Variants in SCAMP1 observed in about 807,000 individuals in gnomAD.
The protein encoded by SCAMP1 is secretory carrier membrane protein 1.
SCAMP1 carries 15 observed loss-of-function variants against 41.8 expected under a neutral mutation model. The observed-to-expected ratio is 0.36, with a 90% CI of 0.24 to 0.55. The LOEUF (loss-of-function observed/expected upper bound fraction) is 0.55. Among genes scored for constraint, SCAMP1 ranks in the 20% least tolerant of loss-of-function variants. The probability of loss-of-function intolerance (pLI) is 0.86; values close to 1 mark genes in which losing one functional copy is unlikely to be tolerated. For synonymous variants in SCAMP1, 135 were observed against 136.8 expected (o/e 0.99, Z 0.09); for missense variants, 341 against 412.6 (o/e 0.83, Z 1.50).
intron 6 of SCAMP1, 54 bp from the exon 7 acceptor site, chr5:78,449,879 T>A: frequency 1.1e-6 from 1 of 947,592 alleles, no homozygotes; most frequent in Non-Finnish European, 1.6e-6. Flanking sequence ...GTTTTTCCCC[T>A]TCTTTCTCTC....
chr5:78,375,374 A>G lies in SCAMP1; in HGVS notation c.58-13463A>G, dbSNP rs929967920. Among the ~76,000 whole-genome samples, 4 of 152,126 alleles carry G rather than the reference A, an allele frequency of 2.6e-5. 1 individual carries two copies. Among genetic ancestry groups the G allele is most frequent in the Non-Finnish European group, 5.9e-5 (4 of 68,006 alleles). ...TCACTTATTATATGACTTTGGGCAA[A>G]TTACTAAAACATCTCTAAGTCAGTA... On this transcript the variant is annotated intron_variant, in intron 1 of 8. Coordinates refer to ENST00000621999, the MANE Select transcript of SCAMP1 (RefSeq NM_004866.6).
In SCAMP1 at chr5:78,416,560, C is replaced by A; in HGVS notation, c.254C>A (p.Ala85Asp). The change falls in exon 4 of 9, where the codon GCT becomes GAT. Residue 85 changes from alanine to aspartate, a missense_variant. Ala to Asp is a moderately radical substitution (Grantham distance 126, BLOSUM62 -2). Transcript: ENST00000621999. ...ATTTAGGAACATGCATTGGCCCAAG[C>A]TGAACTTCTTAAGCGCCAGGAAGAA... ...QIAKEHALAQ[A>D]ELLKRQEELE... The A allele has an allele frequency of 6.3e-7, 1 of 1,597,010 alleles. No homozygotes were observed. The highest frequency in any genetic ancestry group is 2.3e-5 in the East Asian group (1 of 44,262).
chr5:78,382,961 T>C (rs1056265536), intron 1 of SCAMP1, among the ~76,000 whole-genome samples: 3 of 151,272 alleles, frequency 2.0e-5, no homozygotes, highest in African/African-American at 7.4e-5. Flanking sequence ...TGGATTGATA[T>C]CCAGGAGTGG....
intron 6 of SCAMP1, among the ~76,000 whole-genome samples, chr5:78,446,771 T>A (rs1337574273): frequency 6.6e-6 from 1 of 152,226 alleles, no homozygotes; most frequent in Non-Finnish European, 1.5e-5. Context: ...CCAGCTTTGG[T>A]GTAATATAGT....
In SCAMP1 at chr5:78,453,687, A is replaced by G. The variant is rs546661824; in HGVS notation, c.734+3653A>G. 9.2e-5 allele frequency among the ~76,000 whole-genome samples: 14 copies of G among 152,298 alleles called. No homozygotes were observed. In the South Asian group the frequency reaches 1.7e-3, roughly 18 times the overall value. On this transcript the variant is annotated intron_variant, in intron 7 of 8. Coordinates refer to ENST00000621999, the MANE Select transcript of SCAMP1 (RefSeq NM_004866.6). Reference sequence around the variant, plus strand: ...GATGCGGGCTCTTTTTTGGTTCCATATGAACTTTAAAGTAGTTTTTTCCAG... The same window carrying G: ...GATGCGGGCTCTTTTTTGGTTCCATGTGAACTTTAAAGTAGTTTTTTCCAG...
rs1192729156 is a variant in SCAMP1, at chr5:78,476,144, T to C, written c.*476T>C. The stretch of plus-strand genomic sequence containing the variant: ...TTTAAATTGGCTTGCTTTTTAGCTG[T>C]TTCAGTCACCAGTGAAGAGCCTATG... On this transcript the variant is annotated 3_prime_UTR_variant, in exon 9 of 9. Transcript: ENST00000621999. 1 of 152,662 alleles carries C rather than the reference T, an allele frequency of 6.6e-6. No individual in the cohort carries two copies. The highest frequency in any genetic ancestry group is 2.4e-5 in the African/African-American group (1 of 41,472). The allele number at this position is 152,662 out of a possible 1,614,324, so 9.5% of individuals were successfully genotyped here.
chr5:78,410,517 G>T (rs930814818), intron 2 of SCAMP1, among the ~76,000 whole-genome samples: 13 of 152,236 alleles, frequency 8.5e-5, no homozygotes, highest in African/African-American at 2.9e-4. Context: ...TGGTGTATAT[G>T]TACCACATTT....
intron 6 of SCAMP1, among the ~76,000 whole-genome samples, chr5:78,425,487 T>C (rs946324342): frequency 6.6e-6 from 1 of 152,182 alleles, no homozygotes; most frequent in Non-Finnish European, 1.5e-5. Context: ...TTTTTTAGCT[T>C]GTAGAGAATA....
At position 78,387,217 on chromosome 5, in the gene SCAMP1, G is replaced by A. The variant is rs180719403; in HGVS notation, c.58-1620G>A. ...GAAAGCCTTGTGTTTGAGCTCTGAA[G>A]TTCTTTCTTCTACTAGCTCGATTTT... On this transcript the variant is annotated intron_variant, in intron 1 of 8. Coordinates refer to ENST00000621999, the MANE Select transcript of SCAMP1 (RefSeq NM_004866.6). Among the ~76,000 whole-genome samples the A allele has an allele frequency of 1.9e-3, 292 of 152,160 alleles. 1 individual carries two copies. The highest frequency in any genetic ancestry group is 3.5e-3 in the Non-Finnish European group (235 of 67,980).
intron 7 of SCAMP1, among the ~76,000 whole-genome samples, chr5:78,454,299 G>T (rs10062572): frequency 0.37 from 56,383 of 152,084 alleles, 12,575 homozygotes; most frequent in Non-Finnish European, 0.5. Flanking sequence ...TACCCATTCA[G>T]TATGATATTG....
chr5:78,444,724 A>G (rs1412363326), intron 6 of SCAMP1, among the ~76,000 whole-genome samples: 1 of 152,184 alleles, frequency 6.6e-6, no homozygotes, highest in African/African-American at 2.4e-5. Flanking sequence ...TGAGCAGGAC[A>G]TTACTTCTGT....
intron 4 of SCAMP1, 104 bp downstream of exon 4, chr5:78,416,753 T>A: frequency 1.3e-6 from 1 of 777,210 alleles, no homozygotes; most frequent in Non-Finnish European, 2.0e-6. Context: ...CCCTACCCTG[T>A]TTTCCTGTTC....
At chr5:78,460,762 T>G (rs796800382) in intron 8 of SCAMP1, among the ~76,000 whole-genome samples, 67 of 34,154 alleles carry the variant, frequency 2.0e-3, no homozygotes, top group African/African-American at 0.01. Flanking sequence ...CCTTCCTTCC[T>G]TCCTTCCTTC....
chr5:78,479,903 G>C lies in SCAMP1; in HGVS notation c.*4235G>C, dbSNP rs1235534351. Among the ~76,000 whole-genome samples, 1 of 152,006 alleles carries C rather than the reference G, an allele frequency of 6.6e-6. No homozygotes were observed. Among genetic ancestry groups the C allele is most frequent in the Non-Finnish European group, 1.5e-5 (1 of 68,012 alleles). ...TAAAAATACAAAAAAAAAATTAGCT[G>C]AGCATGGTGGCGGGCGCCTGTAGTC... On this transcript the variant is annotated 3_prime_UTR_variant, in exon 9 of 9. Transcript: ENST00000621999.
chr5:78,411,651 G>A (rs1353538234), intron 2 of SCAMP1, among the ~76,000 whole-genome samples: 1 of 151,994 alleles, frequency 6.6e-6, no homozygotes, highest in South Asian at 2.1e-4. Context: ...TCCTATAGCT[G>A]TATCAGTTTA....
In SCAMP1 at chr5:78,479,638, T is replaced by C. The variant is rs1027325281; in HGVS notation, c.*3970T>C. Among the ~76,000 whole-genome samples the C allele has an allele frequency of 6.6e-6, 1 of 152,206 alleles. No individual in the cohort carries two copies. The highest frequency in any genetic ancestry group is 2.4e-5 in the African/African-American group (1 of 41,464). On this transcript the variant is annotated 3_prime_UTR_variant, in exon 9 of 9. Transcript: ENST00000621999. Reference sequence around the variant, plus strand: ...GTCTTATATAAGCAGATACCTCTTATTTGAAGATTGTAGGAAAATAGAGAA... The same window carrying C: ...GTCTTATATAAGCAGATACCTCTTACTTGAAGATTGTAGGAAAATAGAGAA...
At chr5:78,419,923 A>G (rs1393803151) in intron 5 of SCAMP1, among the ~76,000 whole-genome samples, 2 of 152,304 alleles carry the variant, frequency 1.3e-5, no homozygotes, top group African/African-American at 2.4e-5. Flanking sequence ...CCTCAGTGTC[A>G]GTAGTATATA....
At chr5:78,470,595 TG>T (rs1465591110) in intron 8 of SCAMP1, among the ~76,000 whole-genome samples, 1 of 152,200 alleles carries the variant, frequency 6.6e-6, no homozygotes, top group Non-Finnish European at 1.5e-5. Flanking sequence ...TTTTGGCTAT[TG>T]TGAATAGTGC....
chr5:78,397,572 T>G (rs1278359271), intron 2 of SCAMP1, among the ~76,000 whole-genome samples: 1 of 152,192 alleles, frequency 6.6e-6, no homozygotes, highest in Admixed American at 6.5e-5. Context: ...AGATCACATA[T>G]TTGATAAAAG....
Sources: allele counts gnomAD v4.1 joint callset (sites outside exome capture counted in the v4.1 genomes callset), GRCh38; gene constraint gnomAD v4.1.1; transcripts MANE v1.5; gene names NCBI Gene and HGNC (gene_info 2026-07-23, HGNC 2026-07-21).